Variants in POM121 observed in about 807,000 individuals in gnomAD.
POM121 encodes nuclear envelope pore membrane protein POM 121.
Under a neutral mutation model 81.3 loss-of-function variants are expected in POM121, and 32 were observed. The ratio of observed to expected loss-of-function variants is 0.39; its 90% CI spans 0.30 to 0.53. POM121 has a LOEUF of 0.53. POM121 is among the 20% of genes least tolerant of loss of function. The pLI is 0.66. For missense variants in POM121, 1,138 were observed against 1,614.6 expected (o/e 0.70, Z 5.06); for synonymous variants, 514 against 694.2 (o/e 0.74, Z 4.08).
chr7:72,921,051 G>A (rs541168694), upstream of POM121, among the ~76,000 whole-genome samples: 42 of 152,178 alleles, frequency 2.8e-4, 1 homozygote, highest in African/African-American at 1.0e-3. Flanking sequence ...GTGTGGTGGC[G>A]GGTGCCTGTA....
chr7:72,938,835 C>G (rs782470820), intron 6 of POM121, among the ~76,000 whole-genome samples, 154 bp downstream of exon 6: 1 of 152,212 alleles, frequency 6.6e-6, no homozygotes, highest in Non-Finnish European at 1.5e-5. Flanking sequence ...AGTACCCACC[C>G]GAAGTGCTGT....
rs1400173087 is a variant in POM121, at chr7:72,890,751, T to G, written c.-396T>G. 6 of 1,600,972 alleles carry G rather than the reference T, an allele frequency of 3.7e-6. No homozygotes were observed. In the Middle Eastern group the frequency reaches 5.0e-4, roughly 134 times the overall value. Reference sequence around the variant, plus strand: ...GAGAACTACAGCCATCTAGTTTCCCTGGGTGAGGATAGCTTGCTTTCTGAA... The same window carrying G: ...GAGAACTACAGCCATCTAGTTTCCCGGGGTGAGGATAGCTTGCTTTCTGAA... On this transcript the variant is annotated splice_region_variant and 5_prime_UTR_variant, in exon 2 of 16. Coordinates refer to the POM121 transcript ENST00000395270.
intron 4 of POM121, among the ~76,000 whole-genome samples, chr7:72,929,514 A>G (rs6965872): frequency 0.082 from 12,528 of 152,112 alleles, 1,649 homozygotes; most frequent in African/African-American, 0.28. Context: ...CTTTGTTGAG[A>G]TATAATTGAC....
At position 72,943,463 on chromosome 7, in the gene POM121, A is replaced by G; in HGVS notation, c.3470A>G (p.Gln1157Arg). The G allele has an allele frequency of 2.5e-6, 4 of 1,612,934 alleles. No homozygotes were observed. Among genetic ancestry groups the G allele is most frequent in the Non-Finnish European group, 3.4e-6 (4 of 1,179,852 alleles). Reference protein sequence around the residue: ...LGQNALGTTGQSTPFAFNVSS... With the variant: ...LGQNALGTTGRSTPFAFNVSS... ...CAGAACGCCCTGGGCACCACCGGCCAGAGCACACCGTTTGCCTTCAACGTG... is the reference window on the plus strand; with the variant it reads ...CAGAACGCCCTGGGCACCACCGGCCGGAGCACACCGTTTGCCTTCAACGTG... Residue 1157 changes from glutamine (Q) to arginine (R), a missense_variant, in exon 11 of 13, where the codon CAG (glutamine) becomes CGG (arginine). Around this residue, in one of 7 missense-constraint regions of POM121, gnomAD observed 336 missense variants for 344.3 expected, o/e 0.98. Transcript: ENST00000434423.
rs782098576 is a variant in POM121, at chr7:72,925,389, C to T, written c.268C>T (p.Arg90Cys). ...SSFVRKARHR[R>C]PLSSFVRKAR... Reference sequence around the variant, plus strand: ...CTTCGTTCGGAAGGCGCGTCATCGGCGCCCCTTGTCCTCCTTCGTTCGGAA... The same window carrying T: ...CTTCGTTCGGAAGGCGCGTCATCGGTGCCCCTTGTCCTCCTTCGTTCGGAA... Residue 90 changes from arginine to cysteine, a missense_variant, in exon 1 of 13, where the codon CGC becomes TGC. Arg to Cys is a radical substitution (Grantham distance 180, BLOSUM62 -3). Transcript: ENST00000434423. The T allele has an allele frequency of 2.0e-6, 3 of 1,533,760 alleles. No homozygotes were observed. The highest frequency in any genetic ancestry group is 1.2e-5 in the South Asian group (1 of 83,978).
At chr7:72,920,119 A>G (rs1554495737), upstream of POM121, among the ~76,000 whole-genome samples, 1 of 152,076 alleles carries the variant, frequency 6.6e-6, no homozygotes, top group East Asian at 1.9e-4. Context: ...TTCTTCTAAT[A>G]TTTTTCTATG....
chr7:72,911,771 C>G (rs1472027383), intron 3 of POM121, among the ~76,000 whole-genome samples: 2 of 152,196 alleles, frequency 1.3e-5, no homozygotes, highest in African/African-American at 4.8e-5. Flanking sequence ...AAGCAGCACT[C>G]GGTACATGGT....
intron 1 of POM121, among the ~76,000 whole-genome samples, chr7:72,882,533 T>C (rs1318077197): frequency 3.9e-5 from 6 of 152,232 alleles, no homozygotes; most frequent in Non-Finnish European, 8.8e-5. Flanking sequence ...TGCTGACTTA[T>C]GGCTTATTCT....
intron 3 of POM121, among the ~76,000 whole-genome samples, chr7:72,894,359 C>G (rs1791638273): frequency 6.6e-6 from 1 of 152,072 alleles, no homozygotes; most frequent in South Asian, 2.1e-4. Context: ...GGGTGGATCA[C>G]CTGAGGTCAG....
At chr7:72,894,273 GAAAT>G (rs749458462) in intron 3 of POM121, among the ~76,000 whole-genome samples, 2 of 150,062 alleles carry the variant, frequency 1.3e-5, no homozygotes, top group Non-Finnish European at 1.5e-5. Flanking sequence ...CTGTCTTAAA[GAAAT>G]AAATAAATAA....
intron 3 of POM121, among the ~76,000 whole-genome samples, chr7:72,894,492 C>G (rs1218698387): frequency 6.6e-6 from 1 of 151,196 alleles, no homozygotes; most frequent in Non-Finnish European, 1.5e-5. Context: ...GCAGGAGAAT[C>G]GCTTGAACCT....
downstream of POM121, chr7:72,948,859 C>G (rs368252849): frequency 1.3e-6 from 2 of 1,589,340 alleles, no homozygotes; most frequent in Non-Finnish European, 1.7e-6. Flanking sequence ...TCACCCCATC[C>G]CCCCCTCCAC....
intron 5 of POM121, among the ~76,000 whole-genome samples, chr7:72,931,413 A>G (rs1195436505): frequency 6.6e-6 from 1 of 152,166 alleles, no homozygotes; most frequent in African/African-American, 2.4e-5. Flanking sequence ...GAGATAAGAT[A>G]GACAGATCCT....
In POM121 at chr7:72,942,974, C is replaced by T. The variant is rs782553167; in HGVS notation, c.2981C>T (p.Ser994Phe). The T allele has an allele frequency of 9.3e-6, 15 of 1,605,248 alleles. No individual in the cohort carries two copies. The Admixed American group carries it at 1.9e-4, about 21-fold the overall frequency. The change falls in exon 11 of 13, where the codon TCT becomes TTT. Residue 994 changes from serine (S) to phenylalanine (F), a missense_variant. By Grantham distance (155) the Ser-to-Phe change is radical. This residue lies in a region of POM121 where 45 missense variants were observed against 75.7 expected (regional missense o/e 0.59). Coordinates refer to ENST00000434423, the MANE Select transcript of POM121 (RefSeq NM_001387691.1). ...GCCCTTGCCCCCAGCTTTGGCAGCTCTTTCACTTTTGGAAACTCTGCAGCC... is the reference window on the plus strand; with the variant it reads ...GCCCTTGCCCCCAGCTTTGGCAGCTTTTTCACTTTTGGAAACTCTGCAGCC... ...KPALAPSFGS[S>F]FTFGNSAAPA...
At chr7:72,935,089 CT>C (rs1796385901) in intron 5 of POM121, among the ~76,000 whole-genome samples, 2 of 150,826 alleles carry the variant, frequency 1.3e-5, no homozygotes, top group African/African-American at 4.9e-5. Flanking sequence ...TGCCTTTCAT[CT>C]ACTGATTACT....
At chr7:72,927,987 C>T (rs1284427805) in intron 3 of POM121, among the ~76,000 whole-genome samples, 1 of 152,098 alleles carries the variant, frequency 6.6e-6, no homozygotes, top group Non-Finnish European at 1.5e-5. Context: ...GGGAGGATCG[C>T]TGGAGCCCAG....
chr7:72,925,824 C>T (rs1288837998), intron 1 of POM121, 59 bp downstream of exon 1: 1 of 1,298,618 alleles, frequency 7.7e-7, no homozygotes, highest in Non-Finnish European at 9.8e-7. Flanking sequence ...AAATCGAGGA[C>T]TTGACTTTTA....
chr7:72,940,152 C>T (rs1554500564), intron 8 of POM121, among the ~76,000 whole-genome samples, 184 bp downstream of exon 8: 1 of 149,016 alleles, frequency 6.7e-6, no homozygotes, highest in Admixed American at 6.7e-5. Flanking sequence ...GTAACCTCTG[C>T]CTCCTGAGTT....
intron 1 of POM121, 94 bp downstream of exon 1, chr7:72,925,859 T>A (rs1358403717): frequency 9.6e-6 from 12 of 1,253,986 alleles, no homozygotes; most frequent in Non-Finnish European, 1.2e-5. Flanking sequence ...TTTCATCAAG[T>A]CCCAAGGGGA....
Sources: gnomAD v4.1 joint callset for allele counts (sites outside exome capture counted in the v4.1 genomes callset) on GRCh38, gnomAD v4.1.1 for gene constraint, gnomAD v4.1.1 regional missense constraint, MANE v1.5 for transcripts, NCBI Gene and HGNC (gene_info 2026-07-23, HGNC 2026-07-21) for gene names.